Variants in STK4 observed in about 807,000 individuals in gnomAD.
The protein encoded by STK4 is serine/threonine kinase 4.
STK4 carries 30 observed loss-of-function variants against 64.9 expected under a neutral mutation model. The ratio of observed to expected loss-of-function variants is 0.46; its 90% confidence interval spans 0.35 to 0.63. The LOEUF is 0.63. Among genes scored for constraint, STK4 ranks in the 20% least tolerant of loss-of-function variants. The pLI is 0.01. For synonymous variants in STK4, 177 were observed against 199.0 expected, an observed-to-expected ratio of 0.89 and a Z score of 0.93; for missense variants, 466 against 598.5, an observed-to-expected ratio of 0.78 and a Z score of 2.31.
chr20:45,068,425 T>A (rs1339384366), intron 10 of STK4, among the ~76,000 whole-genome samples: 1 of 152,198 alleles, frequency 6.6e-6, no homozygotes, highest in Non-Finnish European at 1.5e-5. Flanking sequence ...AGTAGGCACT[T>A]GGTGCCTACT....
At chr20:44,978,153 A>G (rs781119185) in intron 2 of STK4, among the ~76,000 whole-genome samples, 3 of 152,228 alleles carry the variant, frequency 2.0e-5, no homozygotes, top group African/African-American at 4.8e-5. Flanking sequence ...GAGATGGTGT[A>G]CAGTCTCTAG....
chr20:45,007,507 AC>A (rs1222843195), intron 9 of STK4, among the ~76,000 whole-genome samples: 2 of 151,778 alleles, frequency 1.3e-5, no homozygotes, highest in Non-Finnish European at 2.9e-5. Flanking sequence ...AAATCGCGCC[AC>A]TGCACTCCAG....
intron 10 of STK4, among the ~76,000 whole-genome samples, chr20:45,064,219 C>T (rs761603053): frequency 1.4e-4 from 21 of 152,126 alleles, no homozygotes; most frequent in Admixed American, 7.9e-4. Context: ...GCTTTGTCGA[C>T]GATCACTTGG....
intron 9 of STK4, among the ~76,000 whole-genome samples, chr20:45,020,466 G>GTATGTT (rs66633937): frequency 0.013 from 1,143 of 89,058 alleles, 10 homozygotes; most frequent in African/African-American, 0.054. Context: ...GTGTGTGTGT[G>GTATGTT]TATGTTTATG....
At chr20:44,998,964 A>T (rs1032198108) in intron 7 of STK4, among the ~76,000 whole-genome samples, 63 of 151,900 alleles carry the variant, frequency 4.1e-4, no homozygotes, top group Non-Finnish European at 7.9e-4. Flanking sequence ...TCCCAGCAGG[A>T]GGCTGAGGCA....
At chr20:45,017,153 A>G (rs115263483) in intron 9 of STK4, among the ~76,000 whole-genome samples, 1,791 of 152,322 alleles carry the variant, frequency 0.012, 31 homozygotes, top group African/African-American at 0.04. Flanking sequence ...CATGTAGAGT[A>G]TGAAAACCAA....
In STK4 at chr20:44,978,416, A is replaced by G. The variant is rs1482314038; in HGVS notation, c.117-27A>G. On this transcript the variant is annotated intron_variant, in intron 2 of 10. Transcript: ENST00000372806. ...TATCTTGGCTTGCTTTGACTTTATAAATGTTCTTCTTCTCCCAAATGTATA... is the reference window on the plus strand; with the variant it reads ...TATCTTGGCTTGCTTTGACTTTATAGATGTTCTTCTTCTCCCAAATGTATA... 6.3e-6 allele frequency: 10 copies of G among 1,598,822 alleles called. No individual in the cohort carries two copies. In the South Asian group the frequency reaches 1.0e-4, roughly 16 times the overall value.
At chr20:45,018,496 A>T (rs2068184247) in intron 9 of STK4, among the ~76,000 whole-genome samples, 1 of 152,138 alleles carries the variant, frequency 6.6e-6, no homozygotes, top group Non-Finnish European at 1.5e-5. Flanking sequence ...CCCAGTTATG[A>T]CTACCTAGAC....
chr20:45,076,556 G>A lies in STK4; in HGVS notation c.*1380G>A, dbSNP rs45525238. ...CTGGCTGTAAAGAGATTCCCTGGAC[G>A]AGCCAGATCATTCAGTTTCAGCGAG... On this transcript the variant is annotated 3_prime_UTR_variant, in exon 11 of 11. Transcript: ENST00000372806. This position sits in a 1 kb window ranked among gnomAD's most constrained non-coding sequence, Gnocchi z 4.0. The A allele has an allele frequency of 0.028, 4,244 of 152,258 alleles. 184 individuals carry two copies. The highest frequency in any genetic ancestry group is 0.092 in the African/African-American group (3,827 of 41,520). 9.4% of individuals were successfully genotyped at this position (152,258 alleles called of 1,614,324 possible).
intron 7 of STK4, among the ~76,000 whole-genome samples, 162 bp from the exon 8 acceptor site, chr20:45,000,230 A>G (rs2067810858): frequency 6.6e-6 from 1 of 152,358 alleles, no homozygotes; most frequent in Admixed American, 6.5e-5. Flanking sequence ...ACTCAGAGTT[A>G]TAAAGCGAGT....
intron 5 of STK4, 35 bp downstream of exon 5, chr20:44,987,331 A>T: frequency 1.3e-6 from 2 of 1,573,338 alleles, no homozygotes; most frequent in Non-Finnish European, 1.7e-6. Flanking sequence ...GATAATTTTC[A>T]TTTCTGTCCT....
intron 10 of STK4, among the ~76,000 whole-genome samples, chr20:45,038,964 A>C (rs75015630): frequency 0.11 from 17,406 of 152,084 alleles, 1,324 homozygotes; most frequent in Middle Eastern, 0.19. Flanking sequence ...AGTCTGTTGT[A>C]ATACATTGTT....
chr20:44,970,561 C>T (rs2067226058), intron 1 of STK4: 1 of 152,138 alleles, frequency 6.6e-6, no homozygotes. Context: ...AGTTTCAGTT[C>T]TGAAGTTTAA....
chr20:44,975,609 T>C lies in STK4; in HGVS notation c.117-2834T>C, dbSNP rs139051434. 3.4e-3 allele frequency: 535 copies of C among 156,352 alleles called. 2 individuals are homozygous for C. Among genetic ancestry groups the C allele is most frequent in the African/African-American group, 0.012 (492 of 41,632 alleles). 9.7% of individuals were successfully genotyped at this position (156,352 alleles called of 1,614,324 possible). ...GTCAGGAGATTGCATTTGAGCTTCC[T>C]GCATGAAGTTGGGGGCTGGAACTCG... On this transcript the variant is annotated intron_variant, in intron 2 of 10. Coordinates refer to ENST00000372806, the MANE Select transcript of STK4 (RefSeq NM_006282.5).
At chr20:45,035,292 T>G (rs2068510016) in intron 10 of STK4, among the ~76,000 whole-genome samples, 1 of 152,184 alleles carries the variant, frequency 6.6e-6, no homozygotes, top group Non-Finnish European at 1.5e-5. Context: ...ATCAATATAT[T>G]ACTTGCTTAA....
rs56017495 is a variant in STK4, at chr20:45,061,596, AT to A, written c.1306-13405del. The stretch of plus-strand genomic sequence containing the variant: ...CCTTTTGTTTTATTTTAGTATGGAA[AT>A]TTTTTTTTTTTTTTTTACTTTTAGG... On this transcript the variant is annotated intron_variant, in intron 10 of 10. Coordinates refer to ENST00000372806, the MANE Select transcript of STK4 (RefSeq NM_006282.5). Among the ~76,000 whole-genome samples, 1,095 of 140,928 alleles carry A rather than the reference AT, an allele frequency of 7.8e-3. 10 individuals are homozygous for A. Among genetic ancestry groups the A allele is most frequent in the African/African-American group, 0.019 (734 of 38,128 alleles). The allele number at this position is 140,928 out of a possible 152,430, so 92.5% of individuals were successfully genotyped here. A position where few individuals can be genotyped will look rare whatever the true frequency, so the allele number is the denominator to read the frequency against.
At chr20:44,982,169 T>C (rs1157131492) in intron 4 of STK4, among the ~76,000 whole-genome samples, 1 of 149,854 alleles carries the variant, frequency 6.7e-6, no homozygotes, top group Non-Finnish European at 1.5e-5. Context: ...TGGAGTGTAG[T>C]GGCACAGTCA....
chr20:45,007,102 G>A (rs146040100), intron 9 of STK4, among the ~76,000 whole-genome samples: 19 of 152,232 alleles, frequency 1.2e-4, no homozygotes, highest in Non-Finnish European at 2.6e-4. Flanking sequence ...TATAACAGGA[G>A]GGGAGGCCTT....
intron 10 of STK4, among the ~76,000 whole-genome samples, chr20:45,031,786 T>A (rs2145400229): frequency 6.6e-6 from 1 of 151,400 alleles, no homozygotes; most frequent in Admixed American, 6.6e-5. Context: ...GCACCTGTAG[T>A]CCCAGCTACT....
Sources: gnomAD v4.1 joint callset for allele counts (sites outside exome capture counted in the v4.1 genomes callset) on GRCh38, gnomAD v4.1.1 for gene constraint, Gnocchi (gnomAD v3.1) non-coding constraint, MANE v1.5 for transcripts, NCBI Gene and HGNC (gene_info 2026-07-23, HGNC 2026-07-21) for gene names.